MEIG1: variants seen among roughly 807,000 people sequenced by gnomAD.
MEIG1 encodes meiosis expressed gene 1 protein homolog.
Under a neutral mutation model 11.3 loss-of-function variants are expected in MEIG1, and 12 were observed. That is an observed-to-expected ratio of 1.07 (90% CI 0.68 to 1.73). The LOEUF (loss-of-function observed/expected upper bound fraction) is 1.73, where lower values mean the gene tolerates loss of function less well. Ranked by LOEUF, MEIG1 falls within the 40% of genes most tolerant of loss-of-function variation. The pLI is 0.00. For synonymous variants in MEIG1, 41 were observed against 33.2 expected, an observed-to-expected ratio of 1.24 and a Z score of -0.81; for missense variants, 119 against 104.9, an observed-to-expected ratio of 1.13 and a Z score of -0.59.
intron 1 of MEIG1, among the ~76,000 whole-genome samples, chr10:14,984,863 G>C (rs1437564127): frequency 6.6e-6 from 1 of 151,292 alleles, no homozygotes; most frequent in Non-Finnish European, 1.5e-5. Context: ...AATGTTACTC[G>C]TAATTCACAG....
downstream of MEIG1, among the ~76,000 whole-genome samples, chr10:14,977,835 TATCCTAGGGA>T: frequency 6.6e-6 from 1 of 152,046 alleles, no homozygotes; most frequent in Non-Finnish European, 1.5e-5. Flanking sequence ...TGATAGCTCA[TATCCTAGGGA>T]GGTATTCCTT....
intron 1 of MEIG1, among the ~76,000 whole-genome samples, chr10:14,964,499 A>AGG (rs1426060775): frequency 6.6e-6 from 1 of 151,034 alleles, no homozygotes; most frequent in Non-Finnish European, 1.5e-5. Flanking sequence ...CCCAGTATGA[A>AGG]GGATGGATAT....
intron 2 of MEIG1, 72 bp from the exon 3 acceptor site, chr10:14,972,441 A>G (rs1935399): frequency 0.67 from 1,071,850 of 1,591,606 alleles, 362,891 homozygotes; most frequent in Admixed American, 0.72. Flanking sequence ...CTTTTTAACT[A>G]TTTGATAGTA....
intron 1 of MEIG1, among the ~76,000 whole-genome samples, chr10:14,980,283 G>A (rs1257064402): frequency 6.6e-6 from 1 of 152,042 alleles, no homozygotes; most frequent in Non-Finnish European, 1.5e-5. Flanking sequence ...TACTCCTTAT[G>A]TCACAGCGGT....
At chr10:14,961,035 A>G (rs1843006428) in intron 1 of MEIG1, among the ~76,000 whole-genome samples, 1 of 152,158 alleles carries the variant, frequency 6.6e-6, no homozygotes, top group African/African-American at 2.4e-5. Context: ...ATCTCAAAAA[A>G]ATAATAAATA....
upstream of MEIG1, among the ~76,000 whole-genome samples, chr10:14,959,203 T>C (rs1842981507): frequency 6.6e-6 from 1 of 152,188 alleles, no homozygotes; most frequent in Non-Finnish European, 1.5e-5. Flanking sequence ...TTTTTCGCCC[T>C]CCATCTCTGC....
At chr10:14,984,236 C>A (rs1258068828) in intron 1 of MEIG1, among the ~76,000 whole-genome samples, 2 of 103,652 alleles carry the variant, frequency 1.9e-5, no homozygotes, top group African/African-American at 1.2e-4. Context: ...CGATGTGGAT[C>A]GTAATATCCA....
At chr10:14,985,521 A>G (rs141026495) in intron 1 of MEIG1, among the ~76,000 whole-genome samples, 1 of 152,052 alleles carries the variant, frequency 6.6e-6, no homozygotes, top group East Asian at 1.9e-4. Flanking sequence ...TGTATGTCAT[A>G]CGTATTCAAT....
downstream of MEIG1, among the ~76,000 whole-genome samples, chr10:14,974,536 C>T (rs1843190234): frequency 6.6e-6 from 1 of 152,032 alleles, no homozygotes; most frequent in Non-Finnish European, 1.5e-5. Flanking sequence ...TTTGGATCCC[C>T]GTTTTGGGTC....
chr10:14,983,138 T>G (rs946410752), intron 1 of MEIG1, among the ~76,000 whole-genome samples: 3 of 152,036 alleles, frequency 2.0e-5, no homozygotes, highest in African/African-American at 7.3e-5. Flanking sequence ...GATATTACGT[T>G]TAATATCGCA....
Position 14,972,700 on chromosome 10 carries a change from A to C in MEIG1, c.*59A>C. 1 of 1,399,384 alleles carries C rather than the reference A, an allele frequency of 7.1e-7. No individual in the cohort carries two copies. The highest frequency in any genetic ancestry group is 9.6e-7 in the Non-Finnish European group (1 of 1,040,618). 86.7% of individuals were successfully genotyped at this position (1,399,384 alleles called of 1,614,324 possible). The stretch of plus-strand genomic sequence containing the variant: ...TTAAGTATTCATCATTTCCTTCTAC[A>C]TCATGTGTTTGTCATTTGATGAAAT... On this transcript the variant is annotated 3_prime_UTR_variant, in exon 3 of 3. Transcript: ENST00000407572.
intron 2 of MEIG1, among the ~76,000 whole-genome samples, chr10:14,972,125 C>T (rs969938347): frequency 1.3e-5 from 2 of 151,660 alleles, no homozygotes; most frequent in Non-Finnish European, 2.9e-5. Flanking sequence ...ATGGATTCTT[C>T]TGCCTCAGCC....
intron 1 of MEIG1, among the ~76,000 whole-genome samples, chr10:14,964,636 CTTTTTTTTTTTTT>C (rs35249492): frequency 4.1e-5 from 2 of 49,220 alleles, no homozygotes; most frequent in Non-Finnish European, 6.9e-5. Flanking sequence ...TATATGTATA[CTTTTTTTTTTTTT>C]TTTTTTTTTG....
chr10:14,965,638 C>G (rs566828330), intron 1 of MEIG1, among the ~76,000 whole-genome samples: 1 of 147,858 alleles, frequency 6.8e-6, no homozygotes, highest in Non-Finnish European at 1.5e-5. Flanking sequence ...AACAAGAAAG[C>G]GAACAGAGTG....
chr10:14,967,828 A>C (rs1021181585), intron 2 of MEIG1, among the ~76,000 whole-genome samples: 3 of 87,088 alleles, frequency 3.4e-5, no homozygotes, highest in African/African-American at 7.5e-5. Context: ...CATTCATGAC[A>C]AACCTTTTCT....
chr10:14,970,133 T>C (rs1272010646), intron 2 of MEIG1: 1 of 151,998 alleles, frequency 6.6e-6, no homozygotes, highest in Non-Finnish European at 1.5e-5. Context: ...CAGTGTGCAG[T>C]GGTTTGAGGT....
chr10:14,986,065 A>C (rs567380691), intron 1 of MEIG1, among the ~76,000 whole-genome samples: 1 of 152,292 alleles, frequency 6.6e-6, no homozygotes, highest in South Asian at 2.1e-4. Flanking sequence ...ACTCTGTGAC[A>C]GTATATTTTA....
intron 2 of MEIG1, among the ~76,000 whole-genome samples, chr10:14,968,904 C>G (rs1843118502): frequency 6.6e-6 from 1 of 152,046 alleles, no homozygotes; most frequent in East Asian, 1.9e-4. Flanking sequence ...TATGGAGAAA[C>G]CCTATCTCTG....
At chr10:14,962,762 ATT>A (rs200912748) in intron 1 of MEIG1, among the ~76,000 whole-genome samples, 36 of 146,388 alleles carry the variant, frequency 2.5e-4, no homozygotes, top group African/African-American at 7.7e-4. Flanking sequence ...CTAATTTGGA[ATT>A]TTTTTTTTTT....
Sources: allele counts gnomAD v4.1 joint callset (sites outside exome capture counted in the v4.1 genomes callset), GRCh38; gene constraint gnomAD v4.1.1; transcripts MANE v1.5; gene names NCBI Gene and HGNC (gene_info 2026-07-23, HGNC 2026-07-21).